Variants in GALNT2 observed in about 807,000 individuals in gnomAD.
The protein encoded by GALNT2 is polypeptide N-acetylgalactosaminyltransferase 2.
In GALNT2, 31 loss-of-function variants were observed where a neutral mutation model predicts 81.4. The observed-to-expected ratio is 0.38, with a 90% CI of 0.29 to 0.51. The LOEUF (loss-of-function observed/expected upper bound fraction) is 0.51, where lower values mean the gene tolerates loss of function less well. Ranked by LOEUF, GALNT2 falls within the 20% of genes least tolerant of loss-of-function variation. GALNT2 has a pLI of 0.87. For synonymous variants in GALNT2, 303 were observed against 287.4 expected (o/e 1.05, Z -0.55); for missense variants, 629 against 765.7 (o/e 0.82, Z 2.11).
intron 1 of GALNT2, among the ~76,000 whole-genome samples, chr1:230,094,450 CAT>C (rs1277443478): frequency 1.3e-5 from 2 of 152,094 alleles, no homozygotes. Context: ...GCCTGGCCAA[CAT>C]AGTGAAACCC....
intron 9 of GALNT2, 103 bp downstream of exon 9, chr1:230,249,374 CCTT>C: frequency 1.1e-6 from 1 of 898,310 alleles, no homozygotes; most frequent in South Asian, 1.6e-5. Flanking sequence ...GGGCTGTTCA[CCTT>C]CTGCCCTCCG....
At chr1:230,114,573 C>T (rs377346193) in intron 1 of GALNT2, among the ~76,000 whole-genome samples, 32 of 152,314 alleles carry the variant, frequency 2.1e-4, no homozygotes, top group South Asian at 1.2e-3. Context: ...GGGGAAACAG[C>T]GTTGGCGGTG....
At chr1:230,160,279 T>C (rs538091273) in intron 1 of GALNT2, among the ~76,000 whole-genome samples, 1 of 152,290 alleles carries the variant, frequency 6.6e-6, no homozygotes, top group African/African-American at 2.4e-5. Context: ...CAGAAATCCT[T>C]TGTGCTGACT....
At position 230,235,744 on chromosome 1, in the gene GALNT2, CT is replaced by C. The variant is rs200630073; in HGVS notation, c.375-262del. On this transcript the variant is annotated intron_variant, in intron 3 of 15. Transcript: ENST00000366672. ...AATGGGATTTCACTGTTTTAAAACA[CT>C]TTTTTTTAACGTGTTAGAAAGATGT... Among the ~76,000 whole-genome samples the C allele has an allele frequency of 4.5e-3, 688 of 152,068 alleles. 12 individuals are homozygous for C. Among genetic ancestry groups the C allele is most frequent in the Admixed American group, 0.039 (598 of 15,264 alleles).
chr1:230,277,444 A>G (rs1666330916), intron 15 of GALNT2, among the ~76,000 whole-genome samples: 1 of 152,220 alleles, frequency 6.6e-6, no homozygotes, highest in Non-Finnish European at 1.5e-5. Context: ...CTTTGTTGAG[A>G]AGATTCCTGG....
At chr1:230,087,093 G>A (rs1659922530) in intron 1 of GALNT2, among the ~76,000 whole-genome samples, 1 of 152,154 alleles carries the variant, frequency 6.6e-6, no homozygotes, top group Admixed American at 6.5e-5. Flanking sequence ...CCCAGGGAGG[G>A]AGGTATTTCA....
chr1:230,234,380 A>G (rs1308939450), intron 3 of GALNT2, among the ~76,000 whole-genome samples: 1 of 152,180 alleles, frequency 6.6e-6, no homozygotes, highest in Non-Finnish European at 1.5e-5. Flanking sequence ...TGCCAAAGCA[A>G]TATAATTTGG....
chr1:230,243,337 T>G lies in GALNT2; in HGVS notation c.639T>G (p.Asp213Glu), dbSNP rs1158121783. The G allele has an allele frequency of 5.0e-6, 8 of 1,609,662 alleles. No individual in the cohort carries two copies. The highest frequency in any genetic ancestry group is 5.9e-6 in the Non-Finnish European group (7 of 1,179,354). ...TGCGCTCACGGGTTCGGGGGGCCGATGCTGCCCAAGCCAAGGTCCTGACCT... is the reference window on the plus strand; with the variant it reads ...TGCGCTCACGGGTTCGGGGGGCCGAGGCTGCCCAAGCCAAGGTCCTGACCT... ...GLMRSRVRGADAAQAKVLTFL... is the reference protein window; with the variant it reads ...GLMRSRVRGAEAAQAKVLTFL... Residue 213 changes from aspartate to glutamate, a missense_variant, in exon 7 of 16, where the codon GAT becomes GAG. By Grantham distance (45) the Asp-to-Glu change is conservative. This residue lies in a region of GALNT2 where 360 missense variants were observed against 492.8 expected (regional missense o/e 0.73). Coordinates refer to ENST00000366672, the MANE Select transcript of GALNT2 (RefSeq NM_004481.5). The surrounding 1 kb of genome is among the most constrained non-coding windows in gnomAD (Gnocchi z 4.2).
At chr1:230,066,899 G>T (rs1659197854), upstream of GALNT2, among the ~76,000 whole-genome samples, 1 of 151,176 alleles carries the variant, frequency 6.6e-6, no homozygotes, top group Non-Finnish European at 1.5e-5. Context: ...GCTGAGGGGC[G>T]GGCGGCCGGG....
chr1:230,155,347 G>A lies in GALNT2; in HGVS notation c.127-22871G>A, dbSNP rs114108303. 5.8e-3 allele frequency among the ~76,000 whole-genome samples: 876 copies of A among 152,296 alleles called. 15 individuals are homozygous for A. The highest frequency in any genetic ancestry group is 0.017 in the African/African-American group (725 of 41,562). Reference sequence around the variant, plus strand: ...TCGGAGGTGGGCCCTGCCTGCAGCCGCTGACCTCCGGGAGAGACCGGCCTC... The same window carrying A: ...TCGGAGGTGGGCCCTGCCTGCAGCCACTGACCTCCGGGAGAGACCGGCCTC... On this transcript the variant is annotated intron_variant, in intron 1 of 15. Coordinates refer to ENST00000366672, the MANE Select transcript of GALNT2 (RefSeq NM_004481.5).
At chr1:230,218,775 C>T (rs529090178) in intron 3 of GALNT2, among the ~76,000 whole-genome samples, 11 of 151,646 alleles carry the variant, frequency 7.3e-5, no homozygotes, top group Non-Finnish European at 1.5e-4. Context: ...TTTCTGGTTA[C>T]CAAAATAGGC....
At chr1:230,126,440 G>A (rs1008479091) in intron 1 of GALNT2, among the ~76,000 whole-genome samples, 1 of 152,182 alleles carries the variant, frequency 6.6e-6, no homozygotes, top group African/African-American at 2.4e-5. Context: ...GGAGACCAGG[G>A]AACAGAGTGA....
intron 3 of GALNT2, among the ~76,000 whole-genome samples, chr1:230,218,315 G>A (rs1215978231): frequency 2.0e-5 from 3 of 152,190 alleles, no homozygotes; most frequent in African/African-American, 7.2e-5. Flanking sequence ...GCTGAGCAGG[G>A]AGCAGTACAA....
intron 8 of GALNT2, among the ~76,000 whole-genome samples, chr1:230,247,975 G>T (rs1665426258): frequency 6.6e-6 from 1 of 152,148 alleles, no homozygotes; most frequent in Non-Finnish European, 1.5e-5. Context: ...TTCCTTCGTG[G>T]CCTTTGAGGC....
chr1:230,091,125 G>A (rs1660062478), intron 1 of GALNT2, among the ~76,000 whole-genome samples: 1 of 151,814 alleles, frequency 6.6e-6, no homozygotes, highest in African/African-American at 2.4e-5. Context: ...CTGGAGTACA[G>A]TGGCACGATC....
chr1:230,063,747 A>G (rs538366165), upstream of GALNT2, among the ~76,000 whole-genome samples: 44 of 152,350 alleles, frequency 2.9e-4, no homozygotes, highest in African/African-American at 1.0e-3. Flanking sequence ...TTTGGGCTAT[A>G]AATTGTCCCT....
intron 1 of GALNT2, among the ~76,000 whole-genome samples, chr1:230,095,909 G>A (rs1295840151): frequency 1.3e-5 from 2 of 152,260 alleles, no homozygotes; most frequent in Admixed American, 6.5e-5. Flanking sequence ...TCAGACAGGT[G>A]AGAGAGCCCC....
Position 230,257,002 on chromosome 1 carries a change from G to A in GALNT2, c.1136+1658G>A, listed in dbSNP as rs2102754834. Among the ~76,000 whole-genome samples, 1 of 152,336 alleles carries A rather than the reference G, an allele frequency of 6.6e-6. No homozygotes were observed. The highest frequency in any genetic ancestry group is 2.4e-5 in the African/African-American group (1 of 41,580). Reference sequence around the variant, plus strand: ...CCGAGGAATCAGACTACCTGCAGGAGGAGCAGATCCAGGCTGCTGAGGTGC... The same window carrying A: ...CCGAGGAATCAGACTACCTGCAGGAAGAGCAGATCCAGGCTGCTGAGGTGC... On this transcript the variant is annotated intron_variant, in intron 11 of 15. Coordinates refer to ENST00000366672, the MANE Select transcript of GALNT2 (RefSeq NM_004481.5). This position sits in a 1 kb window ranked among gnomAD's most constrained non-coding sequence, Gnocchi z 4.6.
chr1:230,265,473 G>C, intron 14 of GALNT2, 106 bp downstream of exon 14: 1 of 1,503,782 alleles, frequency 6.6e-7, no homozygotes, highest in Non-Finnish European at 9.1e-7. Flanking sequence ...TGGGATGGGT[G>C]ATGTCTATGA....
Sources: allele counts gnomAD v4.1 joint callset (sites outside exome capture counted in the v4.1 genomes callset), GRCh38; gene constraint gnomAD v4.1.1; regional missense constraint gnomAD v4.1.1; non-coding constraint Gnocchi (gnomAD v3.1); transcripts MANE v1.5; gene names NCBI Gene and HGNC (gene_info 2026-07-23, HGNC 2026-07-21).